Variants in DNAJC1 observed in about 807,000 individuals in gnomAD.
The protein encoded by DNAJC1 is dnaJ homolog subfamily C member 1.
In DNAJC1, 58 loss-of-function variants were observed where a neutral mutation model predicts 76.6. The ratio of observed to expected loss-of-function variants is 0.76; its 90% CI spans 0.61 to 0.94. The LOEUF (loss-of-function observed/expected upper bound fraction) is 0.94. Ranked by LOEUF, DNAJC1 falls within the 40% of genes least tolerant of loss-of-function variation. The pLI is 0.00. For synonymous variants in DNAJC1, 258 were observed against 267.9 expected (o/e 0.96, Z 0.36); for missense variants, 689 against 677.3 (o/e 1.02, Z -0.19).
At chr10:21,958,071 C>T (rs1004880580) in intron 1 of DNAJC1, among the ~76,000 whole-genome samples, 2 of 152,014 alleles carry the variant, frequency 1.3e-5, no homozygotes, top group Non-Finnish European at 2.9e-5. Flanking sequence ...TTATTAGAAG[C>T]ATATAATTGA....
chr10:21,958,412 C>T (rs999006390), intron 1 of DNAJC1, among the ~76,000 whole-genome samples: 1 of 151,564 alleles, frequency 6.6e-6, no homozygotes, highest in Non-Finnish European at 1.5e-5. Flanking sequence ...ATTCCTTGTA[C>T]CTGTCTCCAC....
chr10:21,787,679 G>A (rs1310551955), intron 9 of DNAJC1, among the ~76,000 whole-genome samples: 1 of 152,184 alleles, frequency 6.6e-6, no homozygotes, highest in African/African-American at 2.4e-5. Context: ...CCCCAGCCAG[G>A]ATCAGCTGGG....
chr10:21,932,457 G>T (rs1428367259), intron 1 of DNAJC1, among the ~76,000 whole-genome samples: 1 of 152,178 alleles, frequency 6.6e-6, no homozygotes, highest in Non-Finnish European at 1.5e-5. Context: ...TCCCTCCAGA[G>T]AAACAGTGAA....
At chr10:21,785,914 ATTGT>A (rs1261869326) in intron 9 of DNAJC1, among the ~76,000 whole-genome samples, 1 of 152,342 alleles carries the variant, frequency 6.6e-6, no homozygotes, top group South Asian at 2.1e-4. Context: ...TGGATTTTAA[ATTGT>A]TTGTTATAGA....
At chr10:21,837,323 C>T (rs541706101) in intron 8 of DNAJC1, among the ~76,000 whole-genome samples, 15 of 152,306 alleles carry the variant, frequency 9.8e-5, no homozygotes, top group East Asian at 3.9e-4. Flanking sequence ...AGCCTCTGCC[C>T]GGCCGCCACC....
intron 8 of DNAJC1, among the ~76,000 whole-genome samples, chr10:21,828,293 A>G (rs1835296686): frequency 6.6e-6 from 1 of 152,254 alleles, no homozygotes; most frequent in Admixed American, 6.5e-5. Flanking sequence ...TACTCATTTA[A>G]CAGATCAGAA....
intron 8 of DNAJC1, among the ~76,000 whole-genome samples, chr10:21,850,426 T>C (rs1177417048): frequency 1.3e-5 from 2 of 151,832 alleles, no homozygotes; most frequent in Non-Finnish European, 2.9e-5. Flanking sequence ...AGGACTTGTA[T>C]ACAGAAAATT....
At chr10:21,820,850 C>T (rs545636880) in intron 8 of DNAJC1, among the ~76,000 whole-genome samples, 5 of 152,110 alleles carry the variant, frequency 3.3e-5, no homozygotes, top group African/African-American at 7.2e-5. Flanking sequence ...GGTGAAAAGA[C>T]GTTTAGAGTG....
chr10:21,807,951 T>A (rs945391611), intron 8 of DNAJC1, among the ~76,000 whole-genome samples: 1 of 152,224 alleles, frequency 6.6e-6, no homozygotes, highest in Non-Finnish European at 1.5e-5. Context: ...AGAAATATAA[T>A]TGGATTTTCA....
intron 8 of DNAJC1, among the ~76,000 whole-genome samples, chr10:21,848,666 A>G (rs1835699702): frequency 6.6e-6 from 1 of 152,208 alleles, no homozygotes; most frequent in Non-Finnish European, 1.5e-5. Context: ...AATCCATCCA[A>G]TAACAGCAGA....
chr10:21,928,389 G>C (rs1418734661), intron 3 of DNAJC1, 117 bp downstream of exon 3: 2 of 921,754 alleles, frequency 2.2e-6, no homozygotes, highest in African/African-American at 3.4e-5. Flanking sequence ...GCATTTCTCG[G>C]AAGGAACAAA....
chr10:21,918,726 A>G (rs1291633108), intron 6 of DNAJC1, 53 bp downstream of exon 6: 1 of 1,345,408 alleles, frequency 7.4e-7, no homozygotes, highest in Non-Finnish European at 1.1e-6. Context: ...AAATTATTTC[A>G]TGAGTGATTA....
intron 8 of DNAJC1, among the ~76,000 whole-genome samples, chr10:21,856,264 A>C (rs1367187980): frequency 3.9e-5 from 6 of 152,214 alleles, no homozygotes; most frequent in Non-Finnish European, 8.8e-5. Context: ...AGTTAAATAT[A>C]TGCATCATTA....
chr10:21,848,635 T>A (rs1835699406), intron 8 of DNAJC1, among the ~76,000 whole-genome samples: 1 of 152,060 alleles, frequency 6.6e-6, no homozygotes, highest in South Asian at 2.1e-4. Flanking sequence ...ACCAAATAGA[T>A]CTAACAGACA....
chr10:21,781,241 G>A (rs896600531), intron 9 of DNAJC1, among the ~76,000 whole-genome samples: 10 of 152,060 alleles, frequency 6.6e-5, no homozygotes, highest in Non-Finnish European at 1.0e-4. Context: ...TGCACCAAGC[G>A]GACCTAATAG....
intron 1 of DNAJC1, among the ~76,000 whole-genome samples, chr10:21,941,362 A>G (rs1040280334): frequency 2.0e-5 from 3 of 151,918 alleles, no homozygotes; most frequent in African/African-American, 7.2e-5. Context: ...CAGAGTAAAA[A>G]GGCAGATTTG....
At chr10:21,811,409 G>T (rs1189302562) in intron 8 of DNAJC1, among the ~76,000 whole-genome samples, 1 of 152,126 alleles carries the variant, frequency 6.6e-6, no homozygotes, top group Non-Finnish European at 1.5e-5. Context: ...TTTAAGCAAA[G>T]GTTCTGGAAT....
chr10:21,945,318 T>C (rs1837486933), intron 1 of DNAJC1, among the ~76,000 whole-genome samples: 1 of 152,102 alleles, frequency 6.6e-6, no homozygotes, highest in Non-Finnish European at 1.5e-5. Flanking sequence ...TGGTGTAAAA[T>C]GAAGGGAAAT....
intron 9 of DNAJC1, 101 bp from the exon 10 acceptor site, chr10:21,766,410 T>C (rs1834300534): frequency 1.3e-5 from 12 of 890,362 alleles, no homozygotes; most frequent in South Asian, 5.5e-5. Flanking sequence ...ACACAGTTCA[T>C]TGGATCTTAG....
Sources: allele counts gnomAD v4.1 joint callset (sites outside exome capture counted in the v4.1 genomes callset), GRCh38; gene constraint gnomAD v4.1.1; transcripts MANE v1.5; gene names NCBI Gene and HGNC (gene_info 2026-07-23, HGNC 2026-07-21).